PTPRN2: variants seen among roughly 807,000 people sequenced by gnomAD.
PTPRN2 encodes the protein receptor-type tyrosine-protein phosphatase N2.
A neutral mutation model predicts 118.8 loss-of-function variants in PTPRN2; 74 were observed. The observed-to-expected ratio is 0.62, with a 90% confidence interval of 0.52 to 0.76. The LOEUF (loss-of-function observed/expected upper bound fraction) is 0.76, where lower values mean the gene tolerates loss of function less well. Among genes scored for constraint, PTPRN2 ranks in the 30% least tolerant of loss-of-function variants. The probability of loss-of-function intolerance (pLI) is 0.00; values close to 1 mark genes in which losing one functional copy is unlikely to be tolerated. For missense variants in PTPRN2, 1,481 were observed against 1,394.4 expected (o/e 1.06, Z -0.99); for synonymous variants, 641 against 608.0 (o/e 1.05, Z -0.80).
chr7:158,316,987 G>A, intron 2 of PTPRN2, 55 bp from the exon 3 acceptor site: 5 of 1,377,350 alleles, frequency 3.6e-6, no homozygotes, highest in Non-Finnish European at 5.0e-6. Flanking sequence ...TCAGAGAGCA[G>A]GAAGGTGTCA....
At chr7:157,777,233 T>G (rs1803384155) in intron 12 of PTPRN2, among the ~76,000 whole-genome samples, 1 of 152,256 alleles carries the variant, frequency 6.6e-6, no homozygotes, top group Non-Finnish European at 1.5e-5. Context: ...AAATTCTTGT[T>G]AGATACACAA....
intron 11 of PTPRN2, among the ~76,000 whole-genome samples, chr7:158,000,073 G>T (rs1805099181): frequency 6.6e-6 from 1 of 151,994 alleles, no homozygotes; most frequent in South Asian, 2.1e-4. Context: ...TTTTAGTAGG[G>T]ATGGGGCTTC....
chr7:158,311,748 G>C (rs1195750029), intron 3 of PTPRN2, among the ~76,000 whole-genome samples: 1 of 152,234 alleles, frequency 6.6e-6, no homozygotes, highest in Non-Finnish European at 1.5e-5. Context: ...TCTGTTTCAA[G>C]CGCAGTTACC....
intron 19 of PTPRN2, chr7:157,574,248 G>C (rs1216793094): frequency 4.9e-6 from 2 of 406,726 alleles, no homozygotes; most frequent in Admixed American, 2.2e-5. Context: ...GGGCGAGAGC[G>C]CACCGTCATG....
intron 2 of PTPRN2, among the ~76,000 whole-genome samples, chr7:158,437,536 C>G (rs572101931): frequency 6.6e-6 from 1 of 152,100 alleles, no homozygotes; most frequent in African/African-American, 2.4e-5. Context: ...ACAGCCAGAT[C>G]GAGGGTAGAT....
intron 11 of PTPRN2, among the ~76,000 whole-genome samples, chr7:157,952,821 C>T (rs984298093): frequency 6.6e-6 from 1 of 152,156 alleles, no homozygotes; most frequent in Admixed American, 6.5e-5. Context: ...ATGCTCTGAA[C>T]ACACTTGCTT....
intron 13 of PTPRN2, among the ~76,000 whole-genome samples, chr7:157,673,831 G>A (rs1055779779): frequency 1.3e-5 from 2 of 152,156 alleles, no homozygotes; most frequent in African/African-American, 4.8e-5. Context: ...GCCCCACCCG[G>A]CACCCAGGGC....
chr7:158,293,513 T>C (rs1287610545), intron 3 of PTPRN2, among the ~76,000 whole-genome samples: 3 of 151,880 alleles, frequency 2.0e-5, no homozygotes, highest in Admixed American at 6.6e-5. Context: ...GAGGCAGAGG[T>C]TGCAGTGAGC....
chr7:157,827,248 T>C (rs1298731112), intron 12 of PTPRN2, among the ~76,000 whole-genome samples: 1 of 152,182 alleles, frequency 6.6e-6, no homozygotes, highest in South Asian at 2.1e-4. Context: ...CTCTAGAGCT[T>C]TTCGACAACA....
chr7:157,724,071 C>T (rs1799392630), intron 12 of PTPRN2, among the ~76,000 whole-genome samples: 1 of 151,770 alleles, frequency 6.6e-6, no homozygotes, highest in South Asian at 2.1e-4. Flanking sequence ...ATTTAGGCTT[C>T]CCCCGTCTGA....
intron 12 of PTPRN2, among the ~76,000 whole-genome samples, chr7:157,887,542 C>CT (rs1796537616): frequency 8.4e-6 from 1 of 119,088 alleles, no homozygotes; most frequent in Admixed American, 8.3e-5. Context: ...CCAGTACCCG[C>CT]TCCCCCAGTA....
chr7:158,351,447 T>C (rs968914882), intron 2 of PTPRN2, among the ~76,000 whole-genome samples: 6 of 152,312 alleles, frequency 3.9e-5, no homozygotes, highest in African/African-American at 1.4e-4. Flanking sequence ...CTGTACCTGC[T>C]TTCCTTCGTT....
At chr7:158,547,848 C>T (rs1017761382) in intron 1 of PTPRN2, among the ~76,000 whole-genome samples, 1 of 152,248 alleles carries the variant, frequency 6.6e-6, no homozygotes, top group Non-Finnish European at 1.5e-5. Context: ...GGCAACGCTT[C>T]TCAAGGACAT....
rs1461955739 is a variant in PTPRN2, at chr7:157,583,001, G to A, written c.2497-4861C>T. On this transcript the variant is annotated intron_variant, in intron 17 of 22. Transcript: ENST00000389418. This position sits in a 1 kb window ranked among gnomAD's most constrained non-coding sequence, Gnocchi z 5.5. Reference sequence around the variant, plus strand: ...TAGACCCAAAGGAAATAAAATCAGTGTGTGGAAGGGACATCAGCACCCCTT... The same window carrying A: ...TAGACCCAAAGGAAATAAAATCAGTATGTGGAAGGGACATCAGCACCCCTT... Among the ~76,000 whole-genome samples, 1 of 152,086 alleles carries A rather than the reference G, an allele frequency of 6.6e-6. No homozygotes were observed. The highest frequency in any genetic ancestry group is 1.5e-5 in the Non-Finnish European group (1 of 68,000).
At position 157,793,420 on chromosome 7, in the gene PTPRN2, T is replaced by G. The variant is rs75245615; in HGVS notation, c.1788+105253A>C. On this transcript the variant is annotated intron_variant, in intron 12 of 22. Transcript: ENST00000389418. ...TATGCACGTTTCTAGAGGTGGAGTT[T>G]GACCCTTGAATTGTTCAAATTATAA... Among the ~76,000 whole-genome samples the G allele has an allele frequency of 3.4e-3, 523 of 152,272 alleles. 2 individuals carry two copies. Among genetic ancestry groups the G allele is most frequent in the African/African-American group, 0.012 (498 of 41,548 alleles).
rs550765403 is a variant in PTPRN2 at position 158,058,826 on chromosome 7, A to G, written c.1723+22472T>C. On this transcript the variant is annotated intron_variant, in intron 11 of 22. Transcript: ENST00000389418. ...CACAGTGACGCATCACTGCAGCCAC[A>G]CTCCATCTGCACACGGTGAGACATC... is the stretch of plus-strand genomic sequence containing the variant. Among the ~76,000 whole-genome samples the G allele has an allele frequency of 9.9e-5, 11 of 111,148 alleles. No homozygotes were observed. The East Asian group carries it at 2.6e-3, about 26-fold the overall frequency. The allele number at this position is 111,148 out of a possible 152,430, so 72.9% of individuals were successfully genotyped here.
intron 2 of PTPRN2, among the ~76,000 whole-genome samples, chr7:158,368,477 A>G (rs1268428783): frequency 6.6e-6 from 1 of 152,240 alleles, no homozygotes; most frequent in Non-Finnish European, 1.5e-5. Flanking sequence ...TAGGGTTTCC[A>G]TACATGATGG....
chr7:158,144,122 G>C (rs1819653596), intron 6 of PTPRN2, among the ~76,000 whole-genome samples: 1 of 152,188 alleles, frequency 6.6e-6, no homozygotes, highest in East Asian at 1.9e-4. Context: ...GTGATATTTT[G>C]ACAAATGGTG....
intron 12 of PTPRN2, among the ~76,000 whole-genome samples, chr7:157,694,452 G>C (rs1415110425): frequency 6.6e-6 from 1 of 152,178 alleles, no homozygotes; most frequent in East Asian, 1.9e-4. Context: ...CCTGACCTCA[G>C]TGGGGCTGCA....
Sources: gnomAD v4.1 joint callset for allele counts (sites outside exome capture counted in the v4.1 genomes callset) on GRCh38, gnomAD v4.1.1 for gene constraint, Gnocchi (gnomAD v3.1) non-coding constraint, MANE v1.5 for transcripts, NCBI Gene and HGNC (gene_info 2026-07-23, HGNC 2026-07-21) for gene names.